Variants in NRG1 observed in about 807,000 individuals in gnomAD.
NRG1 encodes pro-neuregulin-1, membrane-bound isoform.
NRG1 carries 18 observed loss-of-function variants against 63.8 expected under a neutral mutation model. The observed-to-expected ratio is 0.28, with a 90% CI of 0.19 to 0.42. The LOEUF (loss-of-function observed/expected upper bound fraction) is 0.42, where lower values mean the gene tolerates loss of function less well. Among genes scored for constraint, NRG1 ranks in the 10% least tolerant of loss-of-function variants. NRG1 has a pLI of 1.00. For synonymous variants in NRG1, 302 were observed against 301.3 expected, an observed-to-expected ratio of 1.00 and a Z score of -0.02; for missense variants, 762 against 814.7, an observed-to-expected ratio of 0.94 and a Z score of 0.79.
chr8:32,536,586 A>G (rs1000233993), intron 1 of NRG1, among the ~76,000 whole-genome samples: 1 of 152,090 alleles, frequency 6.6e-6, no homozygotes, highest in Admixed American at 6.6e-5. Flanking sequence ...ATCATACAGC[A>G]TGTGTGTACC....
intron 1 of NRG1, among the ~76,000 whole-genome samples, chr8:32,196,367 C>G (rs1287781636): frequency 6.6e-6 from 1 of 152,110 alleles, no homozygotes; most frequent in Non-Finnish European, 1.5e-5. Flanking sequence ...AGCATGAGGG[C>G]TGAGAGCTGC....
intron 1 of NRG1, among the ~76,000 whole-genome samples, chr8:31,892,126 C>A (rs1831194540): frequency 6.6e-6 from 1 of 152,014 alleles, no homozygotes; most frequent in Non-Finnish European, 1.5e-5. Flanking sequence ...ATGGGGGCAA[C>A]TGGGTAAAGG....
chr8:32,510,420 A>C (rs900128690), intron 1 of NRG1, among the ~76,000 whole-genome samples: 8 of 152,100 alleles, frequency 5.3e-5, no homozygotes, highest in African/African-American at 1.9e-4. Context: ...AATAAAGAAA[A>C]AAGGAAAAAG....
At chr8:32,309,770 T>C (rs1225893187) in intron 1 of NRG1, among the ~76,000 whole-genome samples, 1 of 152,272 alleles carries the variant, frequency 6.6e-6, no homozygotes, top group Non-Finnish European at 1.5e-5. Context: ...GCTTACTTTG[T>C]GTCCTTGTTC....
intron 1 of NRG1, among the ~76,000 whole-genome samples, chr8:32,517,653 A>G (rs189715855): frequency 6.6e-6 from 1 of 152,342 alleles, no homozygotes; most frequent in East Asian, 1.9e-4. Context: ...TGCTTTTGAA[A>G]GCTTGAGATA....
At position 31,876,163 on chromosome 8, in the gene NRG1, C is replaced by T. The variant is rs561263201; in HGVS notation, c.37+236732C>T. ...ACCTATTTGAAGATTTCTCAACAAT[C>T]TTGACCTATTGCTTAAGAGCACAAC... On this transcript the variant is annotated intron_variant, in intron 1 of 10. Coordinates refer to the NRG1 transcript ENST00000519301. 9.9e-4 allele frequency among the ~76,000 whole-genome samples: 151 copies of T among 152,312 alleles called. 3 individuals carry two copies. The highest frequency in any genetic ancestry group is 9.0e-3 in the Admixed American group (138 of 15,296).
chr8:32,737,663 A>G (rs892223665), intron 6 of NRG1, among the ~76,000 whole-genome samples: 2 of 149,670 alleles, frequency 1.3e-5, no homozygotes, highest in African/African-American at 2.5e-5. Context: ...AATTAACTGT[A>G]TGACAATCTT....
chr8:31,727,404 T>C (rs1813558928), intron 1 of NRG1, among the ~76,000 whole-genome samples: 1 of 152,196 alleles, frequency 6.6e-6, no homozygotes, highest in African/African-American at 2.4e-5. Context: ...CTCTAATTTC[T>C]CATCGTTCTG....
At chr8:32,004,427 G>A (rs913789558) in intron 1 of NRG1, among the ~76,000 whole-genome samples, 49 of 148,838 alleles carry the variant, frequency 3.3e-4, no homozygotes, top group African/African-American at 1.2e-3. Context: ...ATGTATCAGT[G>A]TTGGTTCAGC....
At chr8:32,222,715 G>A (rs1470811251) in intron 1 of NRG1, among the ~76,000 whole-genome samples, 3 of 152,064 alleles carry the variant, frequency 2.0e-5, no homozygotes, top group African/African-American at 7.2e-5. Flanking sequence ...GGCTCTCAGA[G>A]CTTCTAGTTC....
In NRG1 at chr8:32,467,618, C is replaced by T. The variant is rs191138152; in HGVS notation, c.38-128210C>T. On this transcript the variant is annotated intron_variant, in intron 1 of 10. Coordinates refer to the NRG1 transcript ENST00000519301. ...AGTTCCTAGTAGGGGCCACATATTACGCTAAAGTAGATACAAGGATAAACC... is the reference window on the plus strand; with the variant it reads ...AGTTCCTAGTAGGGGCCACATATTATGCTAAAGTAGATACAAGGATAAACC... Among the ~76,000 whole-genome samples, 8 of 152,268 alleles carry T rather than the reference C, an allele frequency of 5.3e-5. No individual in the cohort carries two copies. The East Asian group carries it at 7.7e-4, about 15-fold the overall frequency.
intron 5 of NRG1, among the ~76,000 whole-genome samples, chr8:32,620,310 T>C (rs1848101902): frequency 6.6e-6 from 1 of 152,108 alleles, no homozygotes; most frequent in Non-Finnish European, 1.5e-5. Context: ...ACTAATGACA[T>C]TGGTGTTTTC....
intron 1 of NRG1, among the ~76,000 whole-genome samples, chr8:32,492,423 C>CT (rs33989637): frequency 0.018 from 2,607 of 146,762 alleles, 52 homozygotes; most frequent in African/African-American, 0.046. Flanking sequence ...TCCCTTTCAT[C>CT]TTTTTTTTTT....
chr8:32,676,128 G>A (rs2466082), intron 5 of NRG1, among the ~76,000 whole-genome samples: 138,446 of 152,210 alleles, frequency 0.91, 63,573 homozygotes, highest in Non-Finnish European at 0.98. Context: ...TCACAACACA[G>A]CCAAGTCCAT....
intron 1 of NRG1, among the ~76,000 whole-genome samples, chr8:32,358,118 C>T (rs984236725): frequency 2.6e-5 from 4 of 152,218 alleles, no homozygotes; most frequent in African/African-American, 9.6e-5. Flanking sequence ...TTCCTTTTAG[C>T]TTTCCTGCAT....
At chr8:32,624,616 A>C (rs1848878442) in intron 5 of NRG1, among the ~76,000 whole-genome samples, 1 of 152,198 alleles carries the variant, frequency 6.6e-6, no homozygotes, top group Non-Finnish European at 1.5e-5. Flanking sequence ...GGAAAACTGA[A>C]TATAATTGCA....
chr8:32,091,823 G>T (rs1587061496), intron 1 of NRG1, among the ~76,000 whole-genome samples: 1 of 152,146 alleles, frequency 6.6e-6, no homozygotes, highest in Admixed American at 6.5e-5. Context: ...TGCAGAGCCA[G>T]AACAAGGGAG....
chr8:31,814,950 C>T (rs901286017), intron 1 of NRG1, among the ~76,000 whole-genome samples: 1 of 152,060 alleles, frequency 6.6e-6, no homozygotes, highest in Non-Finnish European at 1.5e-5. Flanking sequence ...TTCCTTTTCT[C>T]CTGGATTCTT....
chr8:32,275,203 G>A lies in NRG1; in HGVS notation c.38-320625G>A, dbSNP rs146489890. On this transcript the variant is annotated intron_variant, in intron 1 of 10. Coordinates refer to the NRG1 transcript ENST00000519301. ...CTCCTTCCTCTCCAAGGAATTTGTC[G>A]CATGGGACTGCATAATTCAGTTGTC... Among the ~76,000 whole-genome samples, 241 of 152,220 alleles carry A rather than the reference G, an allele frequency of 1.6e-3. 2 individuals carry two copies. The highest frequency in any genetic ancestry group is 5.4e-3 in the African/African-American group (226 of 41,544).
Sources: gnomAD v4.1 joint callset for allele counts (sites outside exome capture counted in the v4.1 genomes callset) on GRCh38, gnomAD v4.1.1 for gene constraint, MANE v1.5 for transcripts, NCBI Gene and HGNC (gene_info 2026-07-23, HGNC 2026-07-21) for gene names.